Variants in DDX17 observed in about 807,000 individuals in gnomAD.
DDX17 encodes the protein probable ATP-dependent RNA helicase DDX17.
In DDX17, 10 loss-of-function variants were observed where a neutral mutation model predicts 80.8. The ratio of observed to expected loss-of-function variants is 0.12; its 90% CI spans 0.08 to 0.21. The LOEUF (loss-of-function observed/expected upper bound fraction) is 0.21. Ranked by LOEUF, DDX17 falls within the 10% of genes least tolerant of loss-of-function variation. DDX17 has a pLI of 1.00. For synonymous variants in DDX17, 339 were observed against 336.2 expected (o/e 1.01, Z -0.09); for missense variants, 586 against 957.4 (o/e 0.61, Z 5.12).
In DDX17 at chr22:38,499,454, C is replaced by T. The variant is rs373656499; in HGVS notation, c.484G>A (p.Gly162Arg). 6.2e-7 allele frequency: 1 copy of T among 1,614,158 alleles called. No individual in the cohort carries two copies. The highest frequency in any genetic ancestry group is 8.5e-7 in the Non-Finnish European group (1 of 1,180,018). The change falls in exon 3 of 13, where the codon GGG becomes AGG. Residue 162 changes from glycine to arginine, a missense_variant. Coordinates refer to ENST00000403230, the MANE Select transcript of DDX17 (RefSeq NM_006386.5). ...ACGGGTTTAGGACAAACATCTCCCC[C>T]CCTCACTGTAATCTCCTTCTTTCGG...
intron 9 of DDX17, 27 bp downstream of exon 9, chr22:38,493,994 G>A (rs1234116773): frequency 3.9e-6 from 6 of 1,547,420 alleles, no homozygotes; most frequent in South Asian, 2.3e-5. Flanking sequence ...TAAAACCAGA[G>A]GTTAATTGCC....
chr22:38,484,684 T>C lies in DDX17; in HGVS notation c.*1251A>G, dbSNP rs1317705092. On this transcript the variant is annotated 3_prime_UTR_variant, in exon 13 of 13. Transcript: ENST00000403230. ...AAGTCTTGGTAAAACAGCATTACCA[T>C]GAAGAGGATGAACTCACCTACCTTC... 6.6e-6 allele frequency: 1 copy of C among 152,184 alleles called. No individual in the cohort carries two copies. The highest frequency in any genetic ancestry group is 2.4e-5 in the African/African-American group (1 of 41,436). 9.4% of individuals were successfully genotyped at this position (152,184 alleles called of 1,614,324 possible). A position where few individuals can be genotyped will look rare whatever the true frequency, so the allele number is the denominator to read the frequency against.
At chr22:38,495,434 A>G (rs1032741572) in intron 6 of DDX17, among the ~76,000 whole-genome samples, 4 of 151,984 alleles carry the variant, frequency 2.6e-5, no homozygotes, top group African/African-American at 9.7e-5. Flanking sequence ...TTTAGTAGAG[A>G]CGGGGTTTCA....
intron 5 of DDX17, 147 bp from the exon 6 acceptor site, chr22:38,496,084 G>T: frequency 1.5e-6 from 1 of 663,422 alleles, no homozygotes; most frequent in Non-Finnish European, 2.3e-6. Context: ...ATCAGAAGTG[G>T]GGAATATTAG....
At chr22:38,501,071 T>C (rs971420423) in intron 2 of DDX17, 59 bp downstream of exon 2, 37 of 1,555,892 alleles carry the variant, frequency 2.4e-5, no homozygotes, top group Non-Finnish European at 3.2e-5. Context: ...GAATAAACTC[T>C]AACCAATATA....
Position 38,487,929 on chromosome 22 carries a change from T to C in DDX17, c.1634A>G (p.Asn545Ser), listed in dbSNP as rs757507243. The change falls in exon 12 of 13, where the codon AAT becomes AGT. Residue 545 changes from asparagine to serine, a missense_variant. Coordinates refer to ENST00000403230, the MANE Select transcript of DDX17 (RefSeq NM_006386.5). The stretch of plus-strand genomic sequence containing the variant: ...GTCCACAAGCTGCATCAGTTTTGGA[T>C]TGATAGCCTGATTGGCCTCTTCCAG... 1.2e-6 allele frequency: 2 copies of C among 1,614,232 alleles called. No homozygotes were observed. Among genetic ancestry groups the C allele is most frequent in the Non-Finnish European group, 1.7e-6 (2 of 1,180,030 alleles).
At position 38,506,102 on chromosome 22, in the gene DDX17, C is replaced by T. The variant is rs749062898; in HGVS notation, c.136G>A (p.Ala46Thr). ...ACGACCGATGGCGGCGGCGCCTCCG[C>T]TGTTGGGGCGGCGGCAGGCGCAGCG... Residue 46 changes from alanine (A) to threonine (T), a missense_variant, in exon 1 of 13, where the codon GCG becomes ACG. Coordinates refer to ENST00000403230, the MANE Select transcript of DDX17 (RefSeq NM_006386.5). 2 of 1,578,250 alleles carry T rather than the reference C, an allele frequency of 1.3e-6. No individual in the cohort carries two copies. Among genetic ancestry groups the T allele is most frequent in the South Asian group, 1.1e-5 (1 of 87,154 alleles).
chr22:38,488,000 G>C lies in DDX17; in HGVS notation c.1563C>G (p.Phe521Leu), dbSNP rs2089677517. The C allele has an allele frequency of 1.9e-6, 3 of 1,614,242 alleles. No individual in the cohort carries two copies. The highest frequency in any genetic ancestry group is 2.5e-6 in the Non-Finnish European group (3 of 1,180,042). Residue 521 changes from phenylalanine to leucine, a missense_variant, in exon 12 of 13, where the codon TTC becomes TTG. This residue lies in a region of DDX17 where 9 missense variants were observed against 78.3 expected (regional missense o/e 0.11). Coordinates refer to ENST00000403230, the MANE Select transcript of DDX17 (RefSeq NM_006386.5). Reference sequence around the variant, plus strand: ...CCTGTTTTAGGTTCCCTGGGGTGAAGAAGGTATAGGCGGTACCCTTGTTGG... The same window carrying C: ...CCTGTTTTAGGTTCCCTGGGGTGAACAAGGTATAGGCGGTACCCTTGTTGG...
rs143261930 is a variant in DDX17, at chr22:38,496,086, G to A, written c.739-149C>T. The A allele has an allele frequency of 8.4e-4, 550 of 655,796 alleles. 4 individuals are homozygous for A. In the African/African-American group the frequency reaches 9.7e-3, roughly 12 times the overall value. 40.6% of individuals were successfully genotyped at this position (655,796 alleles called of 1,614,324 possible). Reference sequence around the variant, plus strand: ...TGATGGGGTGAAGATCAGAAGTGGGGAATATTAGCACAATGGAATATAGAA... The same window carrying A: ...TGATGGGGTGAAGATCAGAAGTGGGAAATATTAGCACAATGGAATATAGAA... On this transcript the variant is annotated intron_variant, in intron 5 of 12. Coordinates refer to ENST00000403230, the MANE Select transcript of DDX17 (RefSeq NM_006386.5).
At position 38,488,650 on chromosome 22, in the gene DDX17, T is replaced by TA. The variant is rs527707829; in HGVS notation, c.1448-536dup. On this transcript the variant is annotated intron_variant, in intron 11 of 12. Coordinates refer to ENST00000403230, the MANE Select transcript of DDX17 (RefSeq NM_006386.5). ...TTATTACTACAATTTAAAGGAAACT[T>TA]AAATGTTTTGATTAACATTTAACTT... The TA allele has an allele frequency of 1.7e-4, 170 of 987,524 alleles. No individual in the cohort carries two copies. In the African/African-American group the frequency reaches 2.9e-3, roughly 17 times the overall value. The allele number at this position is 987,524 out of a possible 1,614,324, so 61.2% of individuals were successfully genotyped here. A position where few individuals can be genotyped will look rare whatever the true frequency, so the allele number is the denominator to read the frequency against.
chr22:38,498,417 G>A, intron 4 of DDX17, 23 bp downstream of exon 4: 1 of 1,613,084 alleles, frequency 6.2e-7, no homozygotes, highest in South Asian at 1.1e-5. Context: ...CAATATCAAG[G>A]ATCTTCTCTT....
rs2089740721 is a variant in DDX17, at chr22:38,494,339, T to C, written c.1215-208A>G. ...ATCCTCACAGCAAGTCTCATGTAAGTGGTATTACTCCCATTTCACAGATGA... is the reference window on the plus strand; with the variant it reads ...ATCCTCACAGCAAGTCTCATGTAAGCGGTATTACTCCCATTTCACAGATGA... On this transcript the variant is annotated intron_variant, in intron 8 of 12. Transcript: ENST00000403230. 8.5e-6 allele frequency: 5 copies of C among 589,828 alleles called. No homozygotes were observed. The East Asian group carries it at 1.1e-4, about 14-fold the overall frequency. 36.5% of individuals were successfully genotyped at this position (589,828 alleles called of 1,614,324 possible).
chr22:38,498,167 G>A lies in DDX17; in HGVS notation c.673-17C>T. On this transcript the variant is annotated splice_polypyrimidine_tract_variant and intron_variant, in intron 4 of 12. Transcript: ENST00000403230. ...CAGGAGATACTGTGGAGGGGGGAAA[G>A]AATGACAACCTTACGCTTAGAAGTA... 1.2e-6 allele frequency: 2 copies of A among 1,612,374 alleles called. No homozygotes were observed. The highest frequency in any genetic ancestry group is 1.7e-6 in the Non-Finnish European group (2 of 1,178,722).
Position 38,501,261 on chromosome 22 carries a change from C to T in DDX17, c.307G>A (p.Gly103Ser), listed in dbSNP as rs150253069. Residue 103 changes from glycine (G) to serine (S), a missense_variant, in exon 2 of 13, where the codon GGT becomes AGT. By Grantham distance (56) the Gly-to-Ser change is moderately conservative. Coordinates refer to ENST00000403230, the MANE Select transcript of DDX17 (RefSeq NM_006386.5). Reference sequence around the variant, plus strand: ...CCAAATTTCTTCGGGGGAAGGCCACCACCACCTCTTGCTCCAAATCTAGGA... The same window carrying T: ...CCAAATTTCTTCGGGGGAAGGCCACTACCACCTCTTGCTCCAAATCTAGGA... 4.7e-4 allele frequency: 751 copies of T among 1,610,228 alleles called. 5 individuals are homozygous for T. The highest frequency in any genetic ancestry group is 2.8e-3 in the South Asian group (251 of 90,444).
At chr22:38,501,466 A>G (rs1289037684) in intron 1 of DDX17, among the ~76,000 whole-genome samples, 186 bp from the exon 2 acceptor site, 3 of 152,230 alleles carry the variant, frequency 2.0e-5, no homozygotes, top group Non-Finnish European at 4.4e-5. Context: ...ACCCAACAAT[A>G]AATACTGTTT....
At position 38,495,480 on chromosome 22, in the gene DDX17, C is replaced by T. The variant is rs541881087; in HGVS notation, c.880+316G>A. ...CAGGATGGTCCCAATCTCTGGACCT[C>T]GTGATCCGCCCACCTCGGCCTCCCA... On this transcript the variant is annotated intron_variant, in intron 6 of 12. Transcript: ENST00000403230. Among the ~76,000 whole-genome samples, 178 of 152,176 alleles carry T rather than the reference C, an allele frequency of 1.2e-3. 2 individuals carry two copies. The highest frequency in any genetic ancestry group is 3.9e-3 in the African/African-American group (161 of 41,522).
chr22:38,485,849 G>T lies in DDX17; in HGVS notation c.*86C>A. 6.5e-5 allele frequency: 89 copies of T among 1,361,386 alleles called. No individual in the cohort carries two copies. Among genetic ancestry groups the T allele is most frequent in the Non-Finnish European group, 7.3e-5 (76 of 1,041,436 alleles). The allele number at this position is 1,361,386 out of a possible 1,614,324, so 84.3% of individuals were successfully genotyped here. A position where few individuals can be genotyped will look rare whatever the true frequency, so the allele number is the denominator to read the frequency against. ...AAAAAAAGAAAAAAGGAAAAAAAAA[G>T]AAAAGGCGAAGAGGAAAAAAAAAGG... is the stretch of plus-strand genomic sequence containing the variant. On this transcript the variant is annotated 3_prime_UTR_variant, in exon 13 of 13. Transcript: ENST00000403230.
chr22:38,493,669 G>A (rs775831868), intron 10 of DDX17, 41 bp downstream of exon 10: 2 of 1,463,076 alleles, frequency 1.4e-6, no homozygotes, highest in Non-Finnish European at 1.9e-6. Flanking sequence ...TTATGGGCAG[G>A]GGGTGGGGAA....
intron 2 of DDX17, 109 bp downstream of exon 2, chr22:38,501,018 TCAC>T (rs1555926476): frequency 2.2e-5 from 29 of 1,293,104 alleles, no homozygotes; most frequent in South Asian, 5.1e-5. Context: ...AAGAAAAATA[TCAC>T]CACACTAGAA....
Sources: allele counts gnomAD v4.1 joint callset (sites outside exome capture counted in the v4.1 genomes callset), GRCh38; gene constraint gnomAD v4.1.1; regional missense constraint gnomAD v4.1.1; transcripts MANE v1.5; gene names NCBI Gene and HGNC (gene_info 2026-07-23, HGNC 2026-07-21).